The following TXLNB variants were observed in gnomAD, a reference collection of about 807,000 sequenced individuals.
TXLNB encodes taxilin beta.
TXLNB carries 37 observed loss-of-function variants against 57.4 expected under a neutral mutation model. The observed-to-expected ratio is 0.64, with a 90% confidence interval of 0.50 to 0.85. The LOEUF is 0.85. TXLNB is among the 40% of genes least tolerant of loss of function. The pLI is 0.00. For missense variants in TXLNB, 848 were observed against 825.6 expected (o/e 1.03, Z -0.33); for synonymous variants, 302 against 309.6 (o/e 0.98, Z 0.26).
intron 4 of TXLNB, among the ~76,000 whole-genome samples, chr6:139,269,353 G>A (rs1776700681): frequency 6.6e-6 from 1 of 152,190 alleles, no homozygotes; most frequent in Admixed American, 6.5e-5. Flanking sequence ...GATTTACGCA[G>A]GCACACAAGA....
At chr6:139,260,936 T>C (rs1776465123) in intron 5 of TXLNB, among the ~76,000 whole-genome samples, 1 of 152,204 alleles carries the variant, frequency 6.6e-6, no homozygotes, top group Non-Finnish European at 1.5e-5. Flanking sequence ...GGTGCCAGCA[T>C]GTGGTCCGAG....
At position 139,242,848 on chromosome 6, in the gene TXLNB, C is replaced by T. The variant is rs750654979; in HGVS notation, c.1733G>A (p.Ser578Asn). ...GSDAEPPSKA[S>N]NSPAGLGAET... Reference sequence around the variant, plus strand: ...TGCTCCCAACCCGGCAGGAGAATTACTGGCCTTGGAGGGAGGTTCAGCATC... The same window carrying T: ...TGCTCCCAACCCGGCAGGAGAATTATTGGCCTTGGAGGGAGGTTCAGCATC... The change falls in exon 10 of 10, where the codon AGT (serine) becomes AAT (asparagine). Residue 578 changes from serine (S) to asparagine (N), a missense_variant. Ser to Asn is a conservative substitution (Grantham distance 46). Transcript: ENST00000358430. 1.1e-4 allele frequency: 180 copies of T among 1,614,040 alleles called. No homozygotes were observed. Among genetic ancestry groups the T allele is most frequent in the Non-Finnish European group, 1.4e-4 (169 of 1,180,034 alleles).
chr6:139,251,265 T>C (rs1432015193), intron 7 of TXLNB, among the ~76,000 whole-genome samples: 1 of 152,242 alleles, frequency 6.6e-6, no homozygotes, highest in Non-Finnish European at 1.5e-5. Flanking sequence ...ATTTCCAGTG[T>C]GGTGCAACCA....
chr6:139,295,210 T>C, upstream of TXLNB, among the ~76,000 whole-genome samples: 1 of 152,154 alleles, frequency 6.6e-6, no homozygotes, highest in Non-Finnish European at 1.5e-5. Flanking sequence ...CATTTTCAAG[T>C]ATAATTGAAA....
At chr6:139,259,019 T>C (rs887649434) in intron 6 of TXLNB, among the ~76,000 whole-genome samples, 1 of 152,180 alleles carries the variant, frequency 6.6e-6, no homozygotes, top group African/African-American at 2.4e-5. Flanking sequence ...ATCCTTGACT[T>C]TCTCCTTTTC....
chr6:139,261,801 C>T (rs1024030793), intron 5 of TXLNB, among the ~76,000 whole-genome samples: 7 of 151,636 alleles, frequency 4.6e-5, no homozygotes, highest in African/African-American at 1.7e-4. Context: ...AGCACATTGC[C>T]TGATACAAAC....
chr6:139,191,153 C>T, the TXLNB span, among the ~76,000 whole-genome samples: 2 of 151,986 alleles, frequency 1.3e-5, no homozygotes, highest in Admixed American at 6.6e-5. Context: ...GGCGCGGTGG[C>T]TTACGTCTGT....
chr6:139,169,203 A>C, the TXLNB span, among the ~76,000 whole-genome samples: 1 of 152,072 alleles, frequency 6.6e-6, no homozygotes, highest in African/African-American at 2.4e-5. Context: ...TGAAACTCTC[A>C]TTAATCAGAT....
chr6:139,220,729 G>A, the TXLNB span, among the ~76,000 whole-genome samples: 2 of 152,178 alleles, frequency 1.3e-5, no homozygotes. Context: ...AGTTTCAACC[G>A]TGGTTGACCT....
rs1327230161 is a variant in TXLNB at position 139,243,191 on chromosome 6, A to G, written c.1390T>C (p.Ser464Pro). 1.9e-6 allele frequency: 3 copies of G among 1,614,012 alleles called. No individual in the cohort carries two copies. The highest frequency in any genetic ancestry group is 1.7e-5 in the Admixed American group (1 of 60,010). The change falls in exon 10 of 10, where the codon TCT (serine) becomes CCT (proline). Residue 464 changes from serine to proline, a missense_variant. By Grantham distance (74) the Ser-to-Pro change is moderately conservative (BLOSUM62 -1). Coordinates refer to ENST00000358430, the MANE Select transcript of TXLNB (RefSeq NM_153235.4). ...TGCTGACTTTGGTCATCCTTTTCAG[A>G]TATTTCTGCGTCTCTGATTTTTTTG... Reference protein sequence around the residue: ...LHKKIRDAEISEKDDQSQHNS... With the variant: ...LHKKIRDAEIPEKDDQSQHNS...
chr6:139,182,477 A>G, the TXLNB span, among the ~76,000 whole-genome samples: 1 of 152,212 alleles, frequency 6.6e-6, no homozygotes, highest in Non-Finnish European at 1.5e-5. Flanking sequence ...GGTGGTTTCC[A>G]TTACTTTAGA....
rs530040085 is a variant in TXLNB, at chr6:139,283,196, T to C, written c.424+5280A>G. The C allele has an allele frequency of 4.3e-5, 6 of 140,776 alleles. No individual in the cohort carries two copies. The East Asian group carries it at 1.2e-3, about 28-fold the overall frequency. 8.7% of individuals were successfully genotyped at this position (140,776 alleles called of 1,614,324 possible). A position where few individuals can be genotyped will look rare whatever the true frequency, so the allele number is the denominator to read the frequency against. On this transcript the variant is annotated intron_variant, in intron 2 of 9. Coordinates refer to ENST00000358430, the MANE Select transcript of TXLNB (RefSeq NM_153235.4). The stretch of plus-strand genomic sequence containing the variant: ...GTACTGCGTTTATTGTAGGAGAAAG[T>C]GCAGCCTCAAAAGGAAAAAGAAGTC...
chr6:139,193,241 C>CTTTTTTTTTTTTTTTTTTTTT, the TXLNB span, among the ~76,000 whole-genome samples: 1 of 101,210 alleles, frequency 9.9e-6, no homozygotes, highest in African/African-American at 3.8e-5. Context: ...CTTTGACCCT[C>CTTTTTTTTTTTTTTTTTTTTT]TTTTTTTTTT....
At chr6:139,285,413 A>G (rs190774556) in intron 2 of TXLNB, among the ~76,000 whole-genome samples, 8 of 143,662 alleles carry the variant, frequency 5.6e-5, no homozygotes, top group Non-Finnish European at 1.1e-4. Flanking sequence ...TGTCTTACGG[A>G]AACTTGAATA....
At chr6:139,183,082 G>A in the TXLNB span, 5 of 152,226 alleles carry the variant, frequency 3.3e-5, no homozygotes, top group African/African-American at 9.6e-5. Context: ...AGAATTTGGA[G>A]CAAGGGCTAT....
intron 7 of TXLNB, chr6:139,251,762 T>C (rs567552215): frequency 1.3e-5 from 2 of 152,236 alleles, no homozygotes; most frequent in African/African-American, 4.8e-5. Context: ...CAGACACTCA[T>C]AGACATGGGA....
the TXLNB span, among the ~76,000 whole-genome samples, chr6:139,304,003 T>C: frequency 6.6e-6 from 1 of 151,986 alleles, no homozygotes; most frequent in Non-Finnish European, 1.5e-5. Flanking sequence ...TAAAGTACTA[T>C]CAAAAAGACA....
the TXLNB span, among the ~76,000 whole-genome samples, chr6:139,186,557 TCA>T: frequency 1.3e-5 from 2 of 152,192 alleles, no homozygotes; most frequent in African/African-American, 4.8e-5. Flanking sequence ...TGGGACAGTT[TCA>T]CAGTTTTCTT....
At chr6:139,321,269 G>T in the TXLNB span, among the ~76,000 whole-genome samples, 2 of 152,136 alleles carry the variant, frequency 1.3e-5, no homozygotes, top group Admixed American at 1.3e-4. Context: ...AGGTGAATGG[G>T]TCATGAAGGT....
Sources: allele counts gnomAD v4.1 joint callset (sites outside exome capture counted in the v4.1 genomes callset), GRCh38; gene constraint gnomAD v4.1.1; transcripts MANE v1.5; gene names NCBI Gene and HGNC (gene_info 2026-07-23, HGNC 2026-07-21).